The following HYDIN variants were observed in gnomAD, a reference collection of about 807,000 sequenced individuals.
HYDIN encodes the protein HYDIN axonemal central pair apparatus protein, also known as axonemal central pair apparatus protein HYDIN.
In HYDIN, 132 loss-of-function variants were observed where a neutral mutation model predicts 403.9. The observed-to-expected ratio is 0.33, with a 90% confidence interval of 0.28 to 0.38. The LOEUF is 0.38. Ranked by LOEUF, HYDIN falls within the 10% of genes least tolerant of loss-of-function variation. The pLI, the probability that HYDIN is intolerant of heterozygous loss-of-function variation, is 1.00. For missense variants in HYDIN, 2,827 were observed against 5,009.5 expected, an observed-to-expected ratio of 0.56 and a Z score of 13.15; for synonymous variants, 1,202 against 1,891.7, an observed-to-expected ratio of 0.64 and a Z score of 9.46.
chr16:70,931,149 T>C (rs1477765062), intron 45 of HYDIN, among the ~76,000 whole-genome samples: 1 of 151,688 alleles, frequency 6.6e-6, no homozygotes, highest in Admixed American at 6.6e-5. Context: ...TTTTCATACA[T>C]GTGAGCAAAT....
Position 71,027,639 on chromosome 16 carries a change from A to G in HYDIN, c.3005T>C (p.Ile1002Thr). 1.2e-6 allele frequency: 2 copies of G among 1,613,484 alleles called. No individual in the cohort carries two copies. The highest frequency in any genetic ancestry group is 1.7e-6 in the Non-Finnish European group (2 of 1,179,872). The change falls in exon 20 of 86, where the codon ATT becomes ACT. Residue 1002 changes from isoleucine (I) to threonine (T), a missense_variant. Ile to Thr is a moderately conservative substitution (Grantham distance 89). Coordinates refer to ENST00000393567, the MANE Select transcript of HYDIN (RefSeq NM_001270974.2). Reference sequence around the variant, plus strand: ...AGAATAGCCTTCGAGTATCACATCAATTGCCTGGCCTGGGTACAGCTCCAT... The same window carrying G: ...AGAATAGCCTTCGAGTATCACATCAGTTGCCTGGCCTGGGTACAGCTCCAT... ...ASMELYPGQA[I>T]DVILEGYSAT...
At chr16:71,194,887 T>C (rs1763694414) in intron 1 of HYDIN, among the ~76,000 whole-genome samples, 1 of 152,144 alleles carries the variant, frequency 6.6e-6, no homozygotes, top group Non-Finnish European at 1.5e-5. Context: ...CTCTCACAAG[T>C]CCTTTAACAT....
At chr16:71,201,305 G>T (rs1000193045) in intron 1 of HYDIN, among the ~76,000 whole-genome samples, 4 of 152,132 alleles carry the variant, frequency 2.6e-5, no homozygotes, top group African/African-American at 9.7e-5. Flanking sequence ...TGAATGACTG[G>T]ATTGACAGCT....
At chr16:70,960,738 C>T (rs1475119311) in intron 38 of HYDIN, among the ~76,000 whole-genome samples, 1 of 152,206 alleles carries the variant, frequency 6.6e-6, no homozygotes, top group Non-Finnish European at 1.5e-5. Flanking sequence ...TGTTGCCAGG[C>T]TACAGTGCAA....
At chr16:71,046,353 C>T (rs973789184) in intron 18 of HYDIN, among the ~76,000 whole-genome samples, 1 of 152,066 alleles carries the variant, frequency 6.6e-6, no homozygotes, top group Non-Finnish European at 1.5e-5. Context: ...TATCTCAGTA[C>T]TCATACACTG....
rs574838314 is a variant in HYDIN at position 71,020,232 on chromosome 16, G to A, written c.3272C>T (p.Thr1091Ile). The A allele has an allele frequency of 2.7e-5, 43 of 1,613,984 alleles. No individual in the cohort carries two copies. The South Asian group carries it at 4.4e-4, about 16-fold the overall frequency. The change falls in exon 22 of 86, where the codon ACA (threonine) becomes ATA (isoleucine). Residue 1091 changes from threonine to isoleucine, a missense_variant. Thr to Ile is a moderately conservative substitution (Grantham distance 89). Transcript: ENST00000393567. ...STLPVNLLLS[T>I]SGPFFICETD... ...CTCACATATAAAGAAGGGTCCAGAT[G>A]TTGACAGCAACAAGTTCACGGGCAG...
intron 18 of HYDIN, among the ~76,000 whole-genome samples, chr16:71,034,134 C>T (rs1340573945): frequency 2.0e-5 from 3 of 151,940 alleles, no homozygotes; most frequent in African/African-American, 7.3e-5. Context: ...GTAACGCATA[C>T]AGTAGAAAAC....
chr16:71,102,663 T>A (rs942663656), intron 10 of HYDIN, among the ~76,000 whole-genome samples: 1 of 151,928 alleles, frequency 6.6e-6, no homozygotes, highest in Non-Finnish European at 1.5e-5. Context: ...CAGATTTGTT[T>A]CGTGCTTTCC....
At chr16:71,049,246 G>A (rs1385673604) in intron 18 of HYDIN, among the ~76,000 whole-genome samples, 1 of 152,250 alleles carries the variant, frequency 6.6e-6, no homozygotes, top group Non-Finnish European at 1.5e-5. Context: ...GAGGCCTAAT[G>A]TCCCCTGCTA....
At chr16:70,817,812 G>A (rs2143453622) in intron 84 of HYDIN, among the ~76,000 whole-genome samples, 1 of 152,130 alleles carries the variant, frequency 6.6e-6, no homozygotes, top group South Asian at 2.1e-4. Context: ...CACAGTCTCG[G>A]CTCACTGCAG....
chr16:71,008,257 C>A (rs555822031), intron 23 of HYDIN, among the ~76,000 whole-genome samples: 1 of 151,960 alleles, frequency 6.6e-6, no homozygotes, highest in Non-Finnish European at 1.5e-5. Context: ...TGCCATGTAA[C>A]AAATCTGCAC....
intron 67 of HYDIN, 60 bp from the exon 68 acceptor site, chr16:70,863,242 T>A (rs1233105319): frequency 3.2e-5 from 50 of 1,559,364 alleles, no homozygotes; most frequent in Admixed American, 5.4e-5. Context: ...TGGTCCTGGC[T>A]GCATGTCATC....
At chr16:71,187,324 A>G (rs2087202993) in intron 1 of HYDIN, among the ~76,000 whole-genome samples, 2 of 152,218 alleles carry the variant, frequency 1.3e-5, no homozygotes, top group African/African-American at 4.8e-5. Context: ...ACAAGGTTAC[A>G]GGGCTTCACA....
Position 70,884,009 on chromosome 16 carries a change from T to G in HYDIN, c.9890A>C (p.Glu3297Ala), listed in dbSNP as rs202202225. The change falls in exon 59 of 86, where the codon GAG becomes GCG. Residue 3297 changes from glutamate (E) to alanine (A), a missense_variant. Glu to Ala is a moderately radical substitution (Grantham distance 107). Transcript: ENST00000393567. Reference protein sequence around the residue: ...CVADAMGKCEEFIAIDISGRD... With the variant: ...CVADAMGKCEAFIAIDISGRD... ...GCCGGAGATATCGATGGCTATAAAC[T>G]CCTCACACTTTCCCATGGCGTCAGC... The G allele has an allele frequency of 1.4e-5, 23 of 1,614,154 alleles. No individual in the cohort carries two copies. The highest frequency in any genetic ancestry group is 1.7e-6 in the Non-Finnish European group (2 of 1,180,032).
intron 18 of HYDIN, among the ~76,000 whole-genome samples, chr16:71,037,277 C>G (rs1597610150): frequency 7.0e-6 from 1 of 143,566 alleles, no homozygotes; most frequent in African/African-American, 2.5e-5. Flanking sequence ...CATCATTTTC[C>G]CCAAATCTGA....
chr16:71,010,145 CT>C (rs368642303), intron 23 of HYDIN, among the ~76,000 whole-genome samples: 2 of 144,132 alleles, frequency 1.4e-5, no homozygotes, highest in African/African-American at 5.3e-5. Flanking sequence ...AGAAAATAGG[CT>C]GTGGCCCCTG....
intron 1 of HYDIN, among the ~76,000 whole-genome samples, chr16:71,198,896 A>C (rs1425892792): frequency 6.6e-6 from 1 of 152,214 alleles, no homozygotes; most frequent in Non-Finnish European, 1.5e-5. Flanking sequence ...AAGCTATAGT[A>C]GTTGAGACTG....
At chr16:70,820,749 A>T (rs1489518971) in intron 83 of HYDIN, among the ~76,000 whole-genome samples, 1 of 151,290 alleles carries the variant, frequency 6.6e-6, no homozygotes, top group East Asian at 2.0e-4. Flanking sequence ...CCTGGGTTCA[A>T]GTGACTCTCC....
chr16:71,199,593 T>C (rs2087882986), intron 1 of HYDIN, among the ~76,000 whole-genome samples: 1 of 152,166 alleles, frequency 6.6e-6, no homozygotes, highest in Non-Finnish European at 1.5e-5. Context: ...CTTGTAAGCC[T>C]TCTAAAGCCT....
Sources: allele counts gnomAD v4.1 joint callset (sites outside exome capture counted in the v4.1 genomes callset), GRCh38; gene constraint gnomAD v4.1.1; transcripts MANE v1.5; gene names NCBI Gene and HGNC (gene_info 2026-07-23, HGNC 2026-07-21).